The following PARD3 variants were observed in gnomAD, a reference collection of about 807,000 sequenced individuals.
PARD3 encodes par-3 family cell polarity regulator, also known as partitioning defective 3 homolog.
PARD3 carries 75 observed loss-of-function variants against 155.4 expected under a neutral mutation model. That is an observed-to-expected ratio of 0.48 (90% CI 0.40 to 0.58). The LOEUF is 0.58. PARD3 is among the 20% of genes least tolerant of loss of function. The probability of loss-of-function intolerance (pLI) is 0.00; values close to 1 mark genes in which losing one functional copy is unlikely to be tolerated. For synonymous variants in PARD3, 576 were observed against 610.5 expected, an observed-to-expected ratio of 0.94 and a Z score of 0.83; for missense variants, 1,642 against 1,721.7, an observed-to-expected ratio of 0.95 and a Z score of 0.82.
intron 3 of PARD3, among the ~76,000 whole-genome samples, chr10:34,490,760 CT>C (rs1329907422): frequency 6.6e-6 from 1 of 152,176 alleles, no homozygotes. Context: ...TACTTAAGAC[CT>C]CCCCATCCAA....
chr10:34,377,713 G>C (rs1841393961), intron 10 of PARD3, among the ~76,000 whole-genome samples: 1 of 152,018 alleles, frequency 6.6e-6, no homozygotes, highest in Admixed American at 6.5e-5. Flanking sequence ...GATCGCCTGA[G>C]GCCAGCAATT....
At chr10:34,619,251 T>C (rs2091464419) in intron 2 of PARD3, among the ~76,000 whole-genome samples, 1 of 152,028 alleles carries the variant, frequency 6.6e-6, no homozygotes, top group African/African-American at 2.4e-5. Flanking sequence ...GGGTTTCACG[T>C]GTTGGCCAGG....
intron 22 of PARD3, among the ~76,000 whole-genome samples, chr10:34,241,836 T>A (rs1274180768): frequency 2.6e-5 from 4 of 152,256 alleles, no homozygotes; most frequent in East Asian, 3.9e-4. Flanking sequence ...TAAATAGGCG[T>A]CATCAGTACT....
At chr10:34,519,216 G>A (rs1227404013) in intron 2 of PARD3, among the ~76,000 whole-genome samples, 3 of 152,122 alleles carry the variant, frequency 2.0e-5, no homozygotes, top group Non-Finnish European at 4.4e-5. Flanking sequence ...ATAGAAAAAG[G>A]GCATTAGTGA....
At chr10:34,314,387 T>C (rs1377075587) in intron 20 of PARD3, among the ~76,000 whole-genome samples, 1 of 152,180 alleles carries the variant, frequency 6.6e-6, no homozygotes, top group Admixed American at 6.5e-5. Flanking sequence ...CAACATTCAA[T>C]AACAAAAAAG....
intron 22 of PARD3, among the ~76,000 whole-genome samples, chr10:34,235,572 C>T (rs940044942): frequency 3.9e-5 from 6 of 152,086 alleles, no homozygotes; most frequent in Admixed American, 2.0e-4. Context: ...GTTTATAAAA[C>T]GCCACATTAA....
intron 22 of PARD3, among the ~76,000 whole-genome samples, chr10:34,192,946 A>G (rs1950780765): frequency 6.6e-6 from 1 of 152,336 alleles, no homozygotes; most frequent in East Asian, 1.9e-4. Flanking sequence ...TATTTTTATG[A>G]CATTCCAATT....
chr10:34,254,120 T>G (rs1022491939), intron 22 of PARD3, among the ~76,000 whole-genome samples: 9 of 152,092 alleles, frequency 5.9e-5, no homozygotes, highest in Non-Finnish European at 1.0e-4. Context: ...GGTGGCTCAC[T>G]CCTATAATTC....
intron 1 of PARD3, among the ~76,000 whole-genome samples, chr10:34,725,781 G>GTA (rs2094698226): frequency 6.6e-6 from 1 of 152,208 alleles, no homozygotes. Context: ...GCCAGCTTGG[G>GTA]TAGCTAACAC....
chr10:34,641,603 C>A (rs1238775098), intron 2 of PARD3, among the ~76,000 whole-genome samples: 3 of 152,208 alleles, frequency 2.0e-5, no homozygotes, highest in Non-Finnish European at 4.4e-5. Flanking sequence ...CCCCAGCCCA[C>A]CCAAGTCCTC....
chr10:34,504,277 C>T (rs1425476588), intron 3 of PARD3, among the ~76,000 whole-genome samples: 1 of 151,792 alleles, frequency 6.6e-6, no homozygotes, highest in South Asian at 2.1e-4. Context: ...CCACCAGGTA[C>T]AGCTATTTGT....
At chr10:34,559,673 A>G (rs566770854) in intron 2 of PARD3, among the ~76,000 whole-genome samples, 3 of 152,354 alleles carry the variant, frequency 2.0e-5, no homozygotes, top group South Asian at 4.1e-4. Context: ...AATTTCTTCC[A>G]TAAATCATTA....
At chr10:34,683,915 C>CA (rs2093895067) in intron 2 of PARD3, among the ~76,000 whole-genome samples, 4 of 152,190 alleles carry the variant, frequency 2.6e-5, no homozygotes, top group African/African-American at 9.7e-5. Flanking sequence ...GGGAAGTCAT[C>CA]TTTCTGAATT....
At chr10:34,306,390 G>A (rs182466474) in intron 20 of PARD3, among the ~76,000 whole-genome samples, 80 of 152,244 alleles carry the variant, frequency 5.3e-4, no homozygotes, top group Admixed American at 1.4e-3. Flanking sequence ...GGCAGCTCAC[G>A]CCTGTAATCC....
intron 20 of PARD3, among the ~76,000 whole-genome samples, chr10:34,306,764 C>T (rs547673033): frequency 3.3e-5 from 5 of 152,282 alleles, no homozygotes; most frequent in South Asian, 4.1e-4. Context: ...AAGGCAGAGA[C>T]GGCAGTGACA....
intron 1 of PARD3, among the ~76,000 whole-genome samples, chr10:34,782,268 G>A (rs1258548755): frequency 6.6e-6 from 1 of 152,188 alleles, no homozygotes; most frequent in Non-Finnish European, 1.5e-5. Context: ...ATACCTGTAA[G>A]GAAAGACTGA....
chr10:34,540,105 A>T (rs1246995470), intron 2 of PARD3, among the ~76,000 whole-genome samples: 1 of 152,196 alleles, frequency 6.6e-6, no homozygotes, highest in Non-Finnish European at 1.5e-5. Flanking sequence ...CGTGGCCCTC[A>T]GCTGCAGGCA....
intron 2 of PARD3, among the ~76,000 whole-genome samples, chr10:34,600,222 G>A (rs879637969): frequency 2.6e-5 from 4 of 151,526 alleles, no homozygotes; most frequent in Non-Finnish European, 4.4e-5. Flanking sequence ...GTCACCAGCC[G>A]GTAGTCCTAG....
chr10:34,591,506 C>T (rs1056444815), intron 2 of PARD3, among the ~76,000 whole-genome samples: 35 of 152,110 alleles, frequency 2.3e-4, no homozygotes, highest in African/African-American at 8.5e-4. Context: ...CATGAGCTCA[C>T]ATTACACTAA....
Sources: allele counts gnomAD v4.1 joint callset (sites outside exome capture counted in the v4.1 genomes callset), GRCh38; gene constraint gnomAD v4.1.1; transcripts MANE v1.5; gene names NCBI Gene and HGNC (gene_info 2026-07-23, HGNC 2026-07-21).